POU6F2: variants seen among roughly 807,000 people sequenced by gnomAD.
POU6F2 encodes the protein POU class 6 homeobox 2, also known as POU domain, class 6, transcription factor 2.
Under a neutral mutation model 71.3 loss-of-function variants are expected in POU6F2, and 31 were observed. The observed-to-expected ratio is 0.43, with a 90% CI of 0.33 to 0.59. The LOEUF is 0.59. Ranked by LOEUF, POU6F2 falls within the 20% of genes least tolerant of loss-of-function variation. The probability of loss-of-function intolerance (pLI) is 0.04; values close to 1 mark genes in which losing one functional copy is unlikely to be tolerated. For missense variants in POU6F2, 783 were observed against 856.8 expected (o/e 0.91, Z 1.07); for synonymous variants, 347 against 355.7 (o/e 0.98, Z 0.27).
chr7:39,025,249 A>G (rs903438708), intron 1 of POU6F2, among the ~76,000 whole-genome samples: 7 of 152,000 alleles, frequency 4.6e-5, no homozygotes, highest in Non-Finnish European at 1.0e-4. Flanking sequence ...TGTATGTGTC[A>G]GGGAATTTAT....
At chr7:39,280,557 T>C (rs7793509) in intron 4 of POU6F2, among the ~76,000 whole-genome samples, 45,833 of 152,184 alleles carry the variant, frequency 0.3, 7,621 homozygotes, top group East Asian at 0.46. Context: ...CAGCTGCATG[T>C]TGGTAATGGA....
At chr7:39,358,441 T>A (rs1006180971) in intron 5 of POU6F2, among the ~76,000 whole-genome samples, 1 of 152,022 alleles carries the variant, frequency 6.6e-6, no homozygotes, top group East Asian at 1.9e-4. Flanking sequence ...TAAGAAAAAA[T>A]TAAATAAAAA....
chr7:39,253,415 C>T (rs955812370), intron 4 of POU6F2, among the ~76,000 whole-genome samples: 3 of 152,162 alleles, frequency 2.0e-5, no homozygotes, highest in African/African-American at 7.2e-5. Flanking sequence ...CACATGGTGG[C>T]TTGTGATAGA....
At chr7:39,221,169 A>C (rs951430281) in intron 4 of POU6F2, among the ~76,000 whole-genome samples, 1 of 152,092 alleles carries the variant, frequency 6.6e-6, no homozygotes, top group Non-Finnish European at 1.5e-5. Context: ...CTGCCTATAC[A>C]AATGGCACTG....
At chr7:39,394,983 T>C (rs1480521482) in intron 5 of POU6F2, among the ~76,000 whole-genome samples, 2 of 152,152 alleles carry the variant, frequency 1.3e-5, no homozygotes, top group African/African-American at 4.8e-5. Flanking sequence ...TGGTGAACCA[T>C]ACCGTGCTTC....
intron 1 of POU6F2, among the ~76,000 whole-genome samples, chr7:39,070,783 C>T (rs1790863723): frequency 6.6e-6 from 1 of 152,212 alleles, no homozygotes; most frequent in Non-Finnish European, 1.5e-5. Context: ...CTCCAGGTCA[C>T]CCTATGCCCT....
intron 7 of POU6F2, among the ~76,000 whole-genome samples, chr7:39,436,156 GA>G (rs1788237135): frequency 6.6e-6 from 1 of 152,146 alleles, no homozygotes; most frequent in Non-Finnish European, 1.5e-5. Context: ...CTAATTCTGT[GA>G]AGAATGTCAG....
At chr7:39,376,266 C>A (rs1019561620) in intron 5 of POU6F2, among the ~76,000 whole-genome samples, 2 of 152,146 alleles carry the variant, frequency 1.3e-5, no homozygotes, top group Admixed American at 6.5e-5. Context: ...TATAGAATAG[C>A]GCTGTTGGAT....
chr7:39,252,163 A>G (rs1432476044), intron 4 of POU6F2, among the ~76,000 whole-genome samples: 1 of 152,054 alleles, frequency 6.6e-6, no homozygotes, highest in Non-Finnish European at 1.5e-5. Flanking sequence ...ACACTAAAGG[A>G]GTTGACAGAC....
At chr7:39,450,694 C>T (rs1788638167) in intron 7 of POU6F2, among the ~76,000 whole-genome samples, 1 of 152,180 alleles carries the variant, frequency 6.6e-6, no homozygotes, top group South Asian at 2.1e-4. Context: ...TTCCTTGTGG[C>T]ATCATAACTA....
At chr7:39,231,884 A>G (rs1481105752) in intron 4 of POU6F2, among the ~76,000 whole-genome samples, 4 of 152,214 alleles carry the variant, frequency 2.6e-5, no homozygotes, top group Non-Finnish European at 5.9e-5. Context: ...AAATGCCCTA[A>G]TTAATACATG....
chr7:39,162,290 A>C (rs1793013154), intron 2 of POU6F2, among the ~76,000 whole-genome samples: 1 of 152,202 alleles, frequency 6.6e-6, no homozygotes, highest in South Asian at 2.1e-4. Context: ...GGATATTTTA[A>C]TTTGTATTTT....
chr7:39,230,254 A>C (rs926443127), intron 4 of POU6F2, among the ~76,000 whole-genome samples: 3 of 152,164 alleles, frequency 2.0e-5, no homozygotes, highest in African/African-American at 7.2e-5. Flanking sequence ...CTGAGACAGG[A>C]GGATTCCTCG....
rs916917199 is a variant in POU6F2, at chr7:38,979,327, T to C, written c.105+1269T>C. Among the ~76,000 whole-genome samples the C allele has an allele frequency of 3.3e-5, 5 of 152,312 alleles. No homozygotes were observed. In the South Asian group the frequency reaches 6.2e-4, roughly 19 times the overall value. On this transcript the variant is annotated intron_variant, in intron 1 of 9. Coordinates refer to ENST00000518318, the MANE Select transcript of POU6F2 (RefSeq NM_001370959.1). ...TCTTATTCTGTTTTCAACAAAATTA[T>C]AGAAAAGCACTTCAGGGTTCTGAAA...
At chr7:39,364,086 A>G (rs1317150978) in intron 5 of POU6F2, among the ~76,000 whole-genome samples, 2 of 152,182 alleles carry the variant, frequency 1.3e-5, no homozygotes, top group Admixed American at 1.3e-4. Flanking sequence ...GAAACAAATC[A>G]GGGATGTTCT....
chr7:39,386,113 G>A (rs1460860422), intron 5 of POU6F2, among the ~76,000 whole-genome samples: 20 of 124,186 alleles, frequency 1.6e-4, no homozygotes, highest in African/African-American at 4.2e-4. Context: ...GCAAGACTCC[G>A]TCTCAAAAAA....
intron 5 of POU6F2, among the ~76,000 whole-genome samples, chr7:39,352,180 A>C (rs1562800005): frequency 6.6e-6 from 1 of 152,218 alleles, no homozygotes; most frequent in Non-Finnish European, 1.5e-5. Context: ...ACAAAACTGA[A>C]ACACCAGTGC....
At chr7:39,420,696 A>G (rs1337876998) in intron 6 of POU6F2, among the ~76,000 whole-genome samples, 2 of 152,204 alleles carry the variant, frequency 1.3e-5, no homozygotes, top group Non-Finnish European at 2.9e-5. Flanking sequence ...AAACATGTCA[A>G]TGGATCTTTG....
chr7:39,351,909 A>G (rs1263203374), intron 5 of POU6F2, among the ~76,000 whole-genome samples: 1 of 152,178 alleles, frequency 6.6e-6, no homozygotes, highest in African/African-American at 2.4e-5. Flanking sequence ...GTCTTTTCTC[A>G]TGGTGGGAGT....
Sources: gnomAD v4.1 joint callset for allele counts (sites outside exome capture counted in the v4.1 genomes callset) on GRCh38, gnomAD v4.1.1 for gene constraint, MANE v1.5 for transcripts, NCBI Gene and HGNC (gene_info 2026-07-23, HGNC 2026-07-21) for gene names.